The following TMEM132B variants were observed in gnomAD, a reference collection of about 807,000 sequenced individuals.
The protein encoded by TMEM132B is transmembrane protein 132B.
In TMEM132B, 18 loss-of-function variants were observed where a neutral mutation model predicts 90.8. That is an observed-to-expected ratio of 0.20 (90% CI 0.14 to 0.29). The LOEUF is 0.29. TMEM132B is among the 10% of genes least tolerant of loss of function. The pLI is 1.00. For missense variants in TMEM132B, 1,096 were observed against 1,326.8 expected, an observed-to-expected ratio of 0.83 and a Z score of 2.70; for synonymous variants, 504 against 523.3, an observed-to-expected ratio of 0.96 and a Z score of 0.50.
At chr12:125,200,714 T>C (rs1873035505) in intron 1 of TMEM132B, among the ~76,000 whole-genome samples, 1 of 152,148 alleles carries the variant, frequency 6.6e-6, no homozygotes, top group African/African-American at 2.4e-5. Flanking sequence ...TCTGAGGAGA[T>C]TGAGTTAACA....
At chr12:125,615,545 C>T (rs1885966172) in intron 5 of TMEM132B, among the ~76,000 whole-genome samples, 1 of 152,092 alleles carries the variant, frequency 6.6e-6, no homozygotes, top group Non-Finnish European at 1.5e-5. Flanking sequence ...CTTTTCAACT[C>T]TGCAACTTTC....
chr12:125,499,604 G>A (rs1049694053), intron 3 of TMEM132B, among the ~76,000 whole-genome samples: 7 of 152,152 alleles, frequency 4.6e-5, no homozygotes, highest in African/African-American at 1.2e-4. Flanking sequence ...GTGGACGCAT[G>A]GGGGGTGCCT....
intron 3 of TMEM132B, among the ~76,000 whole-genome samples, chr12:125,499,720 C>T (rs528381713): frequency 2.6e-5 from 4 of 152,256 alleles, no homozygotes; most frequent in African/African-American, 4.8e-5. Context: ...CTGGTCTAAC[C>T]GGTTGTCTAG....
At chr12:125,324,678 C>G (rs537939138) in intron 1 of TMEM132B, among the ~76,000 whole-genome samples, 1 of 152,210 alleles carries the variant, frequency 6.6e-6, no homozygotes, top group Non-Finnish European at 1.5e-5. Context: ...ACCTAGGTTG[C>G]GTTCCCCTTA....
At chr12:125,624,702 G>A (rs147281689) in intron 5 of TMEM132B, among the ~76,000 whole-genome samples, 30 of 152,228 alleles carry the variant, frequency 2.0e-4, no homozygotes, top group East Asian at 1.9e-3. Context: ...TGATGCTTGC[G>A]TTTGTGTTCA....
intron 4 of TMEM132B, among the ~76,000 whole-genome samples, chr12:125,531,727 C>T (rs912062394): frequency 2.0e-5 from 3 of 152,210 alleles, no homozygotes; most frequent in Admixed American, 2.0e-4. Context: ...CACCATTTCA[C>T]CTGATTGATC....
intron 1 of TMEM132B, among the ~76,000 whole-genome samples, chr12:125,190,114 A>T (rs990819386): frequency 6.6e-6 from 1 of 152,034 alleles, no homozygotes; most frequent in Non-Finnish European, 1.5e-5. Context: ...GATGGGAAGG[A>T]GACTTGGGCA....
intron 5 of TMEM132B, chr12:125,587,901 C>T: frequency 6.6e-6 from 1 of 152,134 alleles, no homozygotes; most frequent in East Asian, 1.9e-4. Context: ...GAAATCAAAT[C>T]ACAGGAGAAA....
intron 5 of TMEM132B, among the ~76,000 whole-genome samples, chr12:125,625,062 C>T (rs1886198658): frequency 6.6e-6 from 1 of 151,286 alleles, no homozygotes; most frequent in Non-Finnish European, 1.5e-5. Flanking sequence ...TGTGTTCTTA[C>T]AGTTTGGTTT....
intron 1 of TMEM132B, among the ~76,000 whole-genome samples, chr12:125,303,508 G>A (rs1234959124): frequency 2.0e-5 from 3 of 152,196 alleles, no homozygotes; most frequent in African/African-American, 7.2e-5. Context: ...AGCTGTGAGT[G>A]GAATTGCTGG....
At chr12:125,644,054 A>G (rs986051059) in intron 5 of TMEM132B, 22 bp from the exon 6 acceptor site, 2 of 1,610,332 alleles carry the variant, frequency 1.2e-6, no homozygotes, top group African/African-American at 1.3e-5. Flanking sequence ...ATGCATCTCA[A>G]GGTTCTACCT....
intron 2 of TMEM132B, among the ~76,000 whole-genome samples, chr12:125,381,577 G>A (rs542100501): frequency 1.1e-4 from 16 of 152,286 alleles, no homozygotes; most frequent in East Asian, 7.7e-4. Flanking sequence ...TGGTGATAGC[G>A]CCTAGCTATG....
chr12:125,654,421 T>C lies in TMEM132B; in HGVS notation c.2963T>C (p.Phe988Ser). The C allele has an allele frequency of 6.2e-7, 1 of 1,613,552 alleles. No homozygotes were observed. Among genetic ancestry groups the C allele is most frequent in the Non-Finnish European group, 8.5e-7 (1 of 1,180,008 alleles). Residue 988 changes from phenylalanine to serine, a missense_variant, in exon 9 of 9, where the codon TTC (phenylalanine) becomes TCC (serine). Coordinates refer to ENST00000682704, the MANE Select transcript of TMEM132B (RefSeq NM_001366854.1). The surrounding 1 kb of genome is among the most constrained non-coding windows in gnomAD (Gnocchi z 5.8). ...GGCCTGCAGTTCGAGGAGAGGAACT[T>C]CCTTCTGAATGGCAGTTCCCAGAAG... is the stretch of plus-strand genomic sequence containing the variant. ...DRGLQFEERNFLLNGSSQKTF... is the reference protein window; with the variant it reads ...DRGLQFEERNSLLNGSSQKTF...
At chr12:125,532,297 G>C (rs1197485284) in intron 4 of TMEM132B, among the ~76,000 whole-genome samples, 1 of 152,186 alleles carries the variant, frequency 6.6e-6, no homozygotes, top group African/African-American at 2.4e-5. Context: ...CGGCAGGGAT[G>C]AGACATGACA....
intron 1 of TMEM132B, among the ~76,000 whole-genome samples, chr12:125,239,487 C>T (rs1419811060): frequency 1.3e-5 from 2 of 152,218 alleles, no homozygotes; most frequent in South Asian, 2.1e-4. Context: ...ACTGGATCCT[C>T]GTCTCTTTCT....
At chr12:125,562,644 A>T (rs1353683934) in intron 4 of TMEM132B, among the ~76,000 whole-genome samples, 1 of 152,172 alleles carries the variant, frequency 6.6e-6, no homozygotes, top group Non-Finnish European at 1.5e-5. Flanking sequence ...TAGCTCTCAT[A>T]ACCCCCACAT....
chr12:125,559,084 C>T (rs978164167), intron 4 of TMEM132B, among the ~76,000 whole-genome samples: 3 of 152,160 alleles, frequency 2.0e-5, no homozygotes, highest in Non-Finnish European at 4.4e-5. Flanking sequence ...TATGCAAGTC[C>T]ACTCAGTTAG....
intron 3 of TMEM132B, among the ~76,000 whole-genome samples, chr12:125,506,581 T>G (rs1045165459): frequency 1.3e-5 from 2 of 152,212 alleles, no homozygotes; most frequent in African/African-American, 4.8e-5. Context: ...TATATTTCTA[T>G]GTAACTTATG....
rs931795949 is a variant in TMEM132B, at chr12:125,600,716, A to T, written c.1437+16722A>T. ...TTTCTGTCCCATGTTCCACATCATT[A>T]TGTGAAATGACATCGTGTCTAAATT... On this transcript the variant is annotated intron_variant, in intron 5 of 8. Coordinates refer to ENST00000682704, the MANE Select transcript of TMEM132B (RefSeq NM_001366854.1). Among the ~76,000 whole-genome samples the T allele has an allele frequency of 2.6e-5, 4 of 152,154 alleles. 1 individual carries two copies. Among genetic ancestry groups the T allele is most frequent in the African/African-American group, 9.7e-5 (4 of 41,450 alleles).
Sources: gnomAD v4.1 joint callset for allele counts (sites outside exome capture counted in the v4.1 genomes callset) on GRCh38, gnomAD v4.1.1 for gene constraint, Gnocchi (gnomAD v3.1) non-coding constraint, MANE v1.5 for transcripts, NCBI Gene and HGNC (gene_info 2026-07-23, HGNC 2026-07-21) for gene names.